CYP2C18: variants seen among roughly 807,000 people sequenced by gnomAD.
CYP2C18 encodes cytochrome P450 family 2 subfamily C member 18, also known as cytochrome P450 2C18.
Under a neutral mutation model 41.3 loss-of-function variants are expected in CYP2C18, and 38 were observed. That is an observed-to-expected ratio of 0.92 (90% CI 0.71 to 1.21). The LOEUF is 1.21. CYP2C18 is among the 50% of genes most tolerant of loss of function. CYP2C18 has a pLI of 0.00. For synonymous variants in CYP2C18, 236 were observed against 210.0 expected, an observed-to-expected ratio of 1.12 and a Z score of -1.07; for missense variants, 635 against 591.4, an observed-to-expected ratio of 1.07 and a Z score of -0.77.
In CYP2C18 at chr10:94,724,538, G is replaced by A. The variant is rs1441975423; in HGVS notation, c.1149+5G>A. On this transcript the variant is annotated splice_donor_5th_base_variant and intron_variant, in intron 7 of 8. Transcript: ENST00000285979. ...AAAAACTACCTCATCCCCAAGGTAA[G>A]CTTGTTTCTCCTACACTACATCTCC... The A allele has an allele frequency of 5.6e-6, 9 of 1,612,526 alleles. No individual in the cohort carries two copies. Among genetic ancestry groups the A allele is most frequent in the Admixed American group, 3.3e-5 (2 of 59,918 alleles).
intron 7 of CYP2C18, among the ~76,000 whole-genome samples, chr10:94,727,934 CATAATA>C (rs1018480594): frequency 2.0e-5 from 3 of 152,088 alleles, no homozygotes; most frequent in East Asian, 3.8e-4. Context: ...CTTTCTCCTA[CATAATA>C]ATAATAACAT....
At chr10:94,720,035 G>C (rs577056019) in intron 5 of CYP2C18, among the ~76,000 whole-genome samples, 1 of 152,208 alleles carries the variant, frequency 6.6e-6, no homozygotes, top group East Asian at 1.9e-4. Flanking sequence ...AAATATTCAT[G>C]TTCCAAGGTG....
At chr10:94,703,902 A>G in intron 4 of CYP2C18, among the ~76,000 whole-genome samples, 1 of 152,190 alleles carries the variant, frequency 6.6e-6, no homozygotes, top group East Asian at 1.9e-4. Context: ...GTGGGTTGCG[A>G]CAGGTTGCGA....
rs12783509 is a variant in CYP2C18 at position 94,717,386 on chromosome 10, A to T, written c.820-3010A>T. 2.6e-5 allele frequency among the ~76,000 whole-genome samples: 4 copies of T among 151,936 alleles called. No homozygotes were observed. The South Asian group carries it at 8.3e-4, about 32-fold the overall frequency. On this transcript the variant is annotated intron_variant, in intron 5 of 8. Transcript: ENST00000285979. ...TTGTAGGGCAGGCATGGTGGTGACA[A>T]AATCTCTCAGGGTTTGCTTGTCTGT...
At position 94,683,771 on chromosome 10, in the gene CYP2C18, G is replaced by A; in HGVS notation, c.-49G>A. 2.7e-6 allele frequency: 4 copies of A among 1,467,498 alleles called. No homozygotes were observed. Among genetic ancestry groups the A allele is most frequent in the South Asian group, 1.4e-5 (1 of 69,800 alleles). 90.9% of individuals were successfully genotyped at this position (1,467,498 alleles called of 1,614,324 possible). On this transcript the variant is annotated 5_prime_UTR_variant, in exon 1 of 9. Transcript: ENST00000285979. ...TGGATTAGTAGGGAGTGTTATAAAA[G>A]CCTTGAAGTGAAAGCCCGCAGTTGT...
intron 4 of CYP2C18, among the ~76,000 whole-genome samples, chr10:94,705,282 G>A (rs1453316647): frequency 1.3e-5 from 2 of 152,184 alleles, no homozygotes; most frequent in East Asian, 1.9e-4. Flanking sequence ...AGCACCACAT[G>A]TTCTCATTCA....
chr10:94,701,012 C>G (rs1007944993), intron 4 of CYP2C18, among the ~76,000 whole-genome samples: 1 of 152,214 alleles, frequency 6.6e-6, no homozygotes, highest in African/African-American at 2.4e-5. Flanking sequence ...CAGTTTTACA[C>G]TGTTGGTGGG....
chr10:94,720,583 T>C (rs1847631009), intron 6 of CYP2C18, 46 bp downstream of exon 6: 1 of 1,568,100 alleles, frequency 6.4e-7, no homozygotes, highest in South Asian at 1.2e-5. Context: ...AGAAAAGATG[T>C]TGGGAAGACA....
intron 6 of CYP2C18, 113 bp from the exon 7 acceptor site, chr10:94,724,233 A>T: frequency 9.6e-7 from 1 of 1,045,000 alleles, no homozygotes. Context: ...TTTCAGTCCT[A>T]TAAGTTTATA....
intron 4 of CYP2C18, among the ~76,000 whole-genome samples, chr10:94,701,482 G>T (rs991346582): frequency 1.1e-4 from 17 of 152,128 alleles, no homozygotes; most frequent in African/African-American, 4.1e-4. Flanking sequence ...GGCGGGGAAA[G>T]GGGGAGGGAT....
At chr10:94,703,119 T>C (rs1256334752) in intron 4 of CYP2C18, among the ~76,000 whole-genome samples, 2 of 152,146 alleles carry the variant, frequency 1.3e-5, no homozygotes, top group Non-Finnish European at 2.9e-5. Flanking sequence ...TTCATCCTGG[T>C]GGGGCACCAG....
intron 3 of CYP2C18, 89 bp downstream of exon 3, chr10:94,688,363 A>G: frequency 7.0e-7 from 1 of 1,432,306 alleles, no homozygotes; most frequent in Admixed American, 2.3e-5. Flanking sequence ...ATGCATATTT[A>G]TGGGGTACAT....
Position 94,733,446 on chromosome 10 carries a change from A to G in CYP2C18, c.1291+8A>G. The G allele has an allele frequency of 6.2e-6, 10 of 1,612,848 alleles. No homozygotes were observed. Among genetic ancestry groups the G allele is most frequent in the Non-Finnish European group, 7.6e-6 (9 of 1,179,260 alleles). ...TCATGCCTTTCTCAGCAGGTAATAG[A>G]TATTCATTTCCATCTGTCCTTCAGG... On this transcript the variant is annotated splice_region_variant and intron_variant, in intron 8 of 8. Coordinates refer to ENST00000285979, the MANE Select transcript of CYP2C18 (RefSeq NM_000772.3).
intron 5 of CYP2C18, among the ~76,000 whole-genome samples, chr10:94,718,700 C>A (rs1009125532): frequency 6.6e-6 from 1 of 152,116 alleles, no homozygotes; most frequent in Non-Finnish European, 1.5e-5. Flanking sequence ...TCATCCCTTT[C>A]TCTGCCATGA....
At chr10:94,721,213 C>A (rs1847640255) in intron 6 of CYP2C18, among the ~76,000 whole-genome samples, 1 of 152,012 alleles carries the variant, frequency 6.6e-6, no homozygotes, top group South Asian at 2.1e-4. Context: ...CGGGGTTTCA[C>A]CATGTTGGTC....
chr10:94,726,786 T>G (rs1190099937), intron 7 of CYP2C18, among the ~76,000 whole-genome samples: 2 of 152,142 alleles, frequency 1.3e-5, no homozygotes, highest in African/African-American at 4.8e-5. Context: ...GTTTCTGTGT[T>G]TATTGAGACT....
chr10:94,721,190 T>C (rs1847639804), intron 6 of CYP2C18, among the ~76,000 whole-genome samples: 1 of 152,038 alleles, frequency 6.6e-6, no homozygotes, highest in Non-Finnish European at 1.5e-5. Flanking sequence ...TTATTTTGTA[T>C]TTTTAGTAGA....
chr10:94,733,550 A>C, intron 8 of CYP2C18, 112 bp downstream of exon 8: 1 of 1,542,072 alleles, frequency 6.5e-7, no homozygotes, highest in Non-Finnish European at 8.7e-7. Flanking sequence ...TTTGCAGATC[A>C]TTAGCACCAT....
intron 7 of CYP2C18, among the ~76,000 whole-genome samples, chr10:94,726,933 C>T (rs981407482): frequency 1.3e-5 from 2 of 152,064 alleles, no homozygotes; most frequent in African/African-American, 4.8e-5. Flanking sequence ...ATCACTATTG[C>T]CATCTTATAG....
Sources: allele counts gnomAD v4.1 joint callset (sites outside exome capture counted in the v4.1 genomes callset), GRCh38; gene constraint gnomAD v4.1.1; transcripts MANE v1.5; gene names NCBI Gene and HGNC (gene_info 2026-07-23, HGNC 2026-07-21).